The following CBX6 variants were observed in gnomAD, a reference collection of about 807,000 sequenced individuals.
CBX6 encodes chromobox 6.
In CBX6, 7 loss-of-function variants were observed where a neutral mutation model predicts 28.4. That is an observed-to-expected ratio of 0.25 (90% confidence interval 0.14 to 0.46). The LOEUF (loss-of-function observed/expected upper bound fraction) is 0.46. Ranked by LOEUF, CBX6 falls within the 20% of genes least tolerant of loss-of-function variation. The probability of loss-of-function intolerance (pLI) is 0.99; values close to 1 mark genes in which losing one functional copy is unlikely to be tolerated. For synonymous variants in CBX6, 297 were observed against 273.4 expected, an observed-to-expected ratio of 1.09 and a Z score of -0.85; for missense variants, 512 against 606.1, an observed-to-expected ratio of 0.84 and a Z score of 1.63.
Position 38,872,154 on chromosome 22 carries a change from C to T in CBX6, c.37G>A (p.Ala13Thr), listed in dbSNP as rs769161449. ...LSAVGERVFA[A>T]ESIIKRRIRK... is the part of the protein sequence containing the mutation. ...ATCCGCCGTTTGATGATGGATTCGG[C>T]CGCGAAGACCCGCTCGCCCACTGCA... Residue 13 changes from alanine to threonine, a missense_variant, in exon 1 of 5, where the codon GCC becomes ACC. Ala to Thr is a moderately conservative substitution (Grantham distance 58). This residue lies in a region of CBX6 where 27 missense variants were observed against 30.9 expected (regional missense o/e 0.87). Transcript: ENST00000407418. This position sits in a 1 kb window ranked among gnomAD's most constrained non-coding sequence, Gnocchi z 5.0. 1.4e-6 allele frequency: 2 copies of T among 1,424,238 alleles called. No homozygotes were observed. The highest frequency in any genetic ancestry group is 1.9e-6 in the Non-Finnish European group (2 of 1,073,182). 88.2% of individuals were successfully genotyped at this position (1,424,238 alleles called of 1,614,324 possible).
Position 38,865,838 on chromosome 22 carries a change from A to C in CBX6, c.*371T>G. ...TGTCCACCCTCGGTGGGGGGCTCCT[A>C]AGGGCCCCACAGCTGCCAGGTTAGC... On this transcript the variant is annotated 3_prime_UTR_variant, in exon 5 of 5. Transcript: ENST00000407418. 2.8e-5 allele frequency: 6 copies of C among 217,188 alleles called. No homozygotes were observed. The highest frequency in any genetic ancestry group is 1.0e-4 in the East Asian group (1 of 9,596). The allele number at this position is 217,188 out of a possible 1,614,324, so 13.5% of individuals were successfully genotyped here. A position where few individuals can be genotyped will look rare whatever the true frequency, so the allele number is the denominator to read the frequency against.
In CBX6 at chr22:38,865,970, C is replaced by G; in HGVS notation, c.*239G>C. 1.8e-6 allele frequency: 1 copy of G among 557,856 alleles called. No individual in the cohort carries two copies. The highest frequency in any genetic ancestry group is 2.4e-5 in the South Asian group (1 of 41,314). The allele number at this position is 557,856 out of a possible 1,614,324, so 34.6% of individuals were successfully genotyped here. A position where few individuals can be genotyped will look rare whatever the true frequency, so the allele number is the denominator to read the frequency against. On this transcript the variant is annotated 3_prime_UTR_variant, in exon 5 of 5. Coordinates refer to ENST00000407418, the MANE Select transcript of CBX6 (RefSeq NM_014292.5). ...AGTTTCTAGGGCTTTCCAGAAACCA[C>G]CCAGTGGGCTACCATGCATGGGCAG...
rs572179566 is a variant in CBX6 at position 38,866,986 on chromosome 22, C to A, written c.462G>T (p.Ser154=). The change falls in exon 5 of 5, where the codon TCG becomes TCT. Residue 154 remains serine (S), a synonymous_variant. Transcript: ENST00000407418. This position sits in a 1 kb window ranked among gnomAD's most constrained non-coding sequence, Gnocchi z 7.5. ...PGLRPPISPF[S]ETVRIINRKV... is the part of the protein sequence containing the mutation. The stretch of plus-strand genomic sequence containing the variant: ...TGCGGTTGATGATGCGCACCGTCTC[C>A]GAGAAGGGCGAAATGGGCGGGCGCA... The A allele has an allele frequency of 7.5e-5, 121 of 1,608,304 alleles. 1 individual carries two copies. In the South Asian group the frequency reaches 1.3e-3, roughly 17 times the overall value.
In CBX6 at chr22:38,871,255, G is replaced by A; in HGVS notation, c.246+225C>T. ...CCCCAGCCCCTGGTTTCAACAGGGA[G>A]GATTATCCCCAGTCCCAAAACCCTC... On this transcript the variant is annotated intron_variant, in intron 4 of 4. Coordinates refer to ENST00000407418, the MANE Select transcript of CBX6 (RefSeq NM_014292.5). This position sits in a 1 kb window ranked among gnomAD's most constrained non-coding sequence, Gnocchi z 5.6. 1 of 619,996 alleles carries A rather than the reference G, an allele frequency of 1.6e-6. No homozygotes were observed. Among genetic ancestry groups the A allele is most frequent in the Non-Finnish European group, 2.8e-6 (1 of 351,736 alleles). The allele number at this position is 619,996 out of a possible 1,614,324, so 38.4% of individuals were successfully genotyped here. A position where few individuals can be genotyped will look rare whatever the true frequency, so the allele number is the denominator to read the frequency against.
Position 38,867,108 on chromosome 22 carries a change from C to T in CBX6, c.340G>A (p.Ala114Thr), listed in dbSNP as rs768358191. The T allele has an allele frequency of 3.8e-6, 6 of 1,591,670 alleles. No homozygotes were observed. In the South Asian group the frequency reaches 6.8e-5, roughly 18 times the overall value. Residue 114 changes from alanine (A) to threonine (T), a missense_variant, in exon 5 of 5, where the codon GCA becomes ACA. Around this residue, in one of 7 missense-constraint regions of CBX6, gnomAD observed 123 missense variants for 138.1 expected, o/e 0.89. Coordinates refer to ENST00000407418, the MANE Select transcript of CBX6 (RefSeq NM_014292.5). ...SASSPKLHSS[A>T]AVHRLKKDIR... ...TCCTTCTTGAGCCGGTGCACGGCTG[C>T]GCTGGAGTGCAGCTTGGGCGAGGAG...
rs1603249392 is a variant in CBX6, at chr22:38,863,989, C to G, written c.*2220G>C. 6.6e-6 allele frequency: 1 copy of G among 152,338 alleles called. No individual in the cohort carries two copies. The highest frequency in any genetic ancestry group is 1.9e-4 in the East Asian group (1 of 5,152). 9.4% of individuals were successfully genotyped at this position (152,338 alleles called of 1,614,324 possible). A position where few individuals can be genotyped will look rare whatever the true frequency, so the allele number is the denominator to read the frequency against. On this transcript the variant is annotated 3_prime_UTR_variant, in exon 5 of 5. Coordinates refer to ENST00000407418, the MANE Select transcript of CBX6 (RefSeq NM_014292.5). ...CCGGGACCTGCAGCTTGGGTTAGCT[C>G]CCGGGGGCCCGCTGTTGTCCTTCCC...
intron 4 of CBX6, 26 bp from the exon 5 acceptor site, chr22:38,867,227 G>GAT: frequency 1.1e-6 from 1 of 881,776 alleles, no homozygotes; most frequent in Non-Finnish European, 1.7e-6. Context: ...GGGGTGGGTG[G>GAT]GACCTCAGGA....
chr22:38,868,106 G>A (rs888934851), intron 4 of CBX6, among the ~76,000 whole-genome samples: 5 of 152,182 alleles, frequency 3.3e-5, no homozygotes, highest in Non-Finnish European at 4.4e-5. Context: ...CCCAGGTTCC[G>A]GTCCAACCCA....
At position 38,871,760 on chromosome 22, in the gene CBX6, GC is replaced by G; in HGVS notation, c.114-4del. On this transcript the variant is annotated splice_region_variant and splice_polypyrimidine_tract_variant and intron_variant, in intron 2 of 4. Transcript: ENST00000407418. The surrounding 1 kb of genome is among the most constrained non-coding windows in gnomAD (Gnocchi z 5.6). Reference sequence around the variant, plus strand: ...CCTCGGGCTCCCAAGTGCTGTACCTGCCGAGTCACAAACGCACAAAATCAGG... The same window carrying G: ...CCTCGGGCTCCCAAGTGCTGTACCTGCGAGTCACAAACGCACAAAATCAGG... The G allele has an allele frequency of 1.9e-6, 3 of 1,608,534 alleles. No homozygotes were observed. The highest frequency in any genetic ancestry group is 2.5e-6 in the Non-Finnish European group (3 of 1,176,522).
Position 38,866,956 on chromosome 22 carries a change from C to T in CBX6, c.492G>A (p.Val164=). Residue 164 remains valine (V), a synonymous_variant, in exon 5 of 5, where the codon GTG becomes GTA. Coordinates refer to ENST00000407418, the MANE Select transcript of CBX6 (RefSeq NM_014292.5). The surrounding 1 kb of genome is among the most constrained non-coding windows in gnomAD (Gnocchi z 7.5). Reference sequence around the variant, plus strand: ...GGTTCCGCTTGGGCTCCCGCGGCTTCACCTTGCGGTTGATGATGCGCACCG... The same window carrying T: ...GGTTCCGCTTGGGCTCCCGCGGCTTTACCTTGCGGTTGATGATGCGCACCG... ...SETVRIINRK[V]KPREPKRNRI... 6.2e-7 allele frequency: 1 copy of T among 1,609,352 alleles called. No homozygotes were observed. The highest frequency in any genetic ancestry group is 8.5e-7 in the Non-Finnish European group (1 of 1,178,358).
rs2093160237 is a variant in CBX6 at position 38,862,614 on chromosome 22, C to T, written c.*3595G>A. Reference sequence around the variant, plus strand: ...CACAAACCAAAACAACAAAATGACACAGAAGAGTGGGCAAAAGGGGGATGT... The same window carrying T: ...CACAAACCAAAACAACAAAATGACATAGAAGAGTGGGCAAAAGGGGGATGT... On this transcript the variant is annotated 3_prime_UTR_variant, in exon 5 of 5. Coordinates refer to ENST00000407418, the MANE Select transcript of CBX6 (RefSeq NM_014292.5). The T allele has an allele frequency of 1.3e-5, 2 of 148,800 alleles. No individual in the cohort carries two copies. Among genetic ancestry groups the T allele is most frequent in the African/African-American group, 5.0e-5 (2 of 40,076 alleles). The allele number at this position is 148,800 out of a possible 1,614,324, so 9.2% of individuals were successfully genotyped here. A position where few individuals can be genotyped will look rare whatever the true frequency, so the allele number is the denominator to read the frequency against.
At position 38,871,558 on chromosome 22, in the gene CBX6, A is replaced by G. The variant is rs766894303; in HGVS notation, c.180-12T>C. 1 of 1,613,612 alleles carries G rather than the reference A, an allele frequency of 6.2e-7. No individual in the cohort carries two copies. The highest frequency in any genetic ancestry group is 8.5e-7 in the Non-Finnish European group (1 of 1,179,830). ...CACGCTCCCTCTCCCTGCGGCCGAA[A>G]AACACCAGAGGTTAAAAAGAGCCCC... On this transcript the variant is annotated splice_polypyrimidine_tract_variant and intron_variant, in intron 3 of 4. Transcript: ENST00000407418. This position sits in a 1 kb window ranked among gnomAD's most constrained non-coding sequence, Gnocchi z 5.6.
At position 38,867,066 on chromosome 22, in the gene CBX6, G is replaced by A. The variant is rs562757189; in HGVS notation, c.382C>T (p.Arg128Cys). 3.7e-6 allele frequency: 6 copies of A among 1,604,704 alleles called. No homozygotes were observed. The highest frequency in any genetic ancestry group is 1.7e-4 in the Middle Eastern group (1 of 6,052). The change falls in exon 5 of 5, where the codon CGT becomes TGT. Residue 128 changes from arginine (R) to cysteine (C), a missense_variant. Physicochemically the swap from Arg to Cys is radical, Grantham distance 180 (BLOSUM62 -3). Coordinates refer to ENST00000407418, the MANE Select transcript of CBX6 (RefSeq NM_014292.5). ...CGGGGCAGGGGACGGCGGGACATACGGTGGCAGCGGCGGATGTCCTTCTTG... is the reference window on the plus strand; with the variant it reads ...CGGGGCAGGGGACGGCGGGACATACAGTGGCAGCGGCGGATGTCCTTCTTG... ...RLKKDIRRCH[R>C]MSRRPLPRPD...
chr22:38,867,149 T>G lies in CBX6; in HGVS notation c.299A>C (p.Lys100Thr), dbSNP rs370769383. Residue 100 changes from lysine (K) to threonine (T), a missense_variant, in exon 5 of 5, where the codon AAG becomes ACG. Around this residue, in one of 7 missense-constraint regions of CBX6, gnomAD observed 123 missense variants for 138.1 expected, o/e 0.89. Transcript: ENST00000407418. ...GGGCGAGGAGGCACTGGCGCTCGGC[T>G]TGACAGAGAAATGCACATCACTGAT... ...LRISDVHFSV[K>T]PSASASSPKL... is the part of the protein sequence containing the mutation. 1 of 1,565,468 alleles carries G rather than the reference T, an allele frequency of 6.4e-7. No individual in the cohort carries two copies. The highest frequency in any genetic ancestry group is 1.4e-5 in the African/African-American group (1 of 74,020).
In CBX6 at chr22:38,871,939, T is replaced by A; in HGVS notation, c.76A>T (p.Ile26Phe). 1 of 1,481,730 alleles carries A rather than the reference T, an allele frequency of 6.7e-7. No homozygotes were observed. Among genetic ancestry groups the A allele is most frequent in the Non-Finnish European group, 9.0e-7 (1 of 1,106,944 alleles). The allele number at this position is 1,481,730 out of a possible 1,614,324, so 91.8% of individuals were successfully genotyped here. Residue 26 changes from isoleucine (I) to phenylalanine (F), a missense_variant, in exon 2 of 5, where the codon ATC becomes TTC. Coordinates refer to ENST00000407418, the MANE Select transcript of CBX6 (RefSeq NM_014292.5). This position sits in a 1 kb window ranked among gnomAD's most constrained non-coding sequence, Gnocchi z 5.6. ...IIKRRIRKGRIEYLVKWKGWA... is the reference protein window; with the variant it reads ...IIKRRIRKGRFEYLVKWKGWA... The stretch of plus-strand genomic sequence containing the variant: ...CCCTTCCATTTCACCAGGTACTCGA[T>A]GCGTCCCTGAAAAACAGAGGGGAGA...
chr22:38,868,601 G>A (rs983124424), intron 4 of CBX6, among the ~76,000 whole-genome samples: 1 of 152,178 alleles, frequency 6.6e-6, no homozygotes, highest in Non-Finnish European at 1.5e-5. Context: ...GCTGGGGTGT[G>A]TGTGGGGTGC....
Position 38,871,280 on chromosome 22 carries a change from C to G in CBX6, c.246+200G>C. On this transcript the variant is annotated intron_variant, in intron 4 of 4. Coordinates refer to ENST00000407418, the MANE Select transcript of CBX6 (RefSeq NM_014292.5). This position sits in a 1 kb window ranked among gnomAD's most constrained non-coding sequence, Gnocchi z 5.6. Reference sequence around the variant, plus strand: ...GGATTATCCCCAGTCCCAAAACCCTCTTGTTGAAGCTGATGCTGGCTGAGG... The same window carrying G: ...GGATTATCCCCAGTCCCAAAACCCTGTTGTTGAAGCTGATGCTGGCTGAGG... 1.5e-6 allele frequency: 1 copy of G among 658,922 alleles called. No homozygotes were observed. Among genetic ancestry groups the G allele is most frequent in the East Asian group, 2.7e-5 (1 of 36,550 alleles). 40.8% of individuals were successfully genotyped at this position (658,922 alleles called of 1,614,324 possible).
chr22:38,865,933 C>G lies in CBX6; in HGVS notation c.*276G>C. On this transcript the variant is annotated 3_prime_UTR_variant, in exon 5 of 5. Transcript: ENST00000407418. ...AGAGACAGGTGGGATGTGGAAGGGG[C>G]AGAGGAACCCTAGTTTCTAGGGCTT... The G allele has an allele frequency of 2.0e-6, 1 of 499,760 alleles. No individual in the cohort carries two copies. Among genetic ancestry groups the G allele is most frequent in the Non-Finnish European group, 3.5e-6 (1 of 281,862 alleles). 31.0% of individuals were successfully genotyped at this position (499,760 alleles called of 1,614,324 possible). A position where few individuals can be genotyped will look rare whatever the true frequency, so the allele number is the denominator to read the frequency against.
chr22:38,866,407 G>A lies in CBX6; in HGVS notation c.1041C>T (p.Ala347=), dbSNP rs754147853. Residue 347 remains alanine (A), a synonymous_variant, in exon 5 of 5, where the codon GCC becomes GCT. Coordinates refer to ENST00000407418, the MANE Select transcript of CBX6 (RefSeq NM_014292.5). This position sits in a 1 kb window ranked among gnomAD's most constrained non-coding sequence, Gnocchi z 7.5. ...GPAPPTAPEP[A]GASSEPEAGD... ...CAGCCTCGGGCTCGGAGGAGGCACCGGCGGGCTCAGGGGCCGTGGGAGGTG... is the reference window on the plus strand; with the variant it reads ...CAGCCTCGGGCTCGGAGGAGGCACCAGCGGGCTCAGGGGCCGTGGGAGGTG... 3.7e-6 allele frequency: 6 copies of A among 1,612,342 alleles called. No homozygotes were observed. In the Admixed American group the frequency reaches 8.3e-5, roughly 22 times the overall value.
Sources: allele counts gnomAD v4.1 joint callset (sites outside exome capture counted in the v4.1 genomes callset), GRCh38; gene constraint gnomAD v4.1.1; regional missense constraint gnomAD v4.1.1; non-coding constraint Gnocchi (gnomAD v3.1); transcripts MANE v1.5; gene names NCBI Gene and HGNC (gene_info 2026-07-23, HGNC 2026-07-21).